The following DPH6 variants were observed in gnomAD, a reference collection of about 807,000 sequenced individuals.
DPH6 encodes diphthamine biosynthesis 6, also known as diphthine--ammonia ligase.
In DPH6, 33 loss-of-function variants were observed where a neutral mutation model predicts 38.2. The observed-to-expected ratio is 0.86, with a 90% confidence interval of 0.65 to 1.15. DPH6 has a LOEUF of 1.15. Among genes scored for constraint, DPH6 ranks in the 50% most tolerant of loss-of-function variants. The pLI is 0.00. For synonymous variants in DPH6, 108 were observed against 103.0 expected (o/e 1.05, Z -0.30); for missense variants, 325 against 320.0 (o/e 1.02, Z -0.12).
intron 3 of DPH6, among the ~76,000 whole-genome samples, chr15:35,250,838 C>T (rs2051669079): frequency 1.3e-5 from 2 of 152,146 alleles, no homozygotes; most frequent in South Asian, 4.1e-4. Flanking sequence ...AGAAAGGAAG[C>T]AAATTTTCAC....
chr15:35,490,038 C>A, intron 3 of DPH6: 3 of 985,324 alleles, frequency 3.0e-6, no homozygotes, highest in Non-Finnish European at 3.6e-6. Context: ...AAAGAAAACA[C>A]CCCAAGGCTA....
At chr15:35,405,580 TATCA>T (rs2053280973) in intron 6 of DPH6, among the ~76,000 whole-genome samples, 1 of 152,130 alleles carries the variant, frequency 6.6e-6, no homozygotes, top group African/African-American at 2.4e-5. Flanking sequence ...TGAACTTGTT[TATCA>T]GTTCTAATAG....
At chr15:35,444,219 A>G (rs1299951831) in intron 5 of DPH6, among the ~76,000 whole-genome samples, 1 of 152,220 alleles carries the variant, frequency 6.6e-6, no homozygotes, top group Non-Finnish European at 1.5e-5. Flanking sequence ...TGGCTTGAGG[A>G]TATAATTATA....
chr15:35,190,385 C>A, the DPH6 span, among the ~76,000 whole-genome samples: 49 of 152,248 alleles, frequency 3.2e-4, no homozygotes, highest in South Asian at 1.0e-2. Context: ...GGGTAGGGGT[C>A]TGAAAGTGGG....
chr15:35,304,170 C>T (rs989606596), intron 3 of DPH6, among the ~76,000 whole-genome samples: 1 of 152,034 alleles, frequency 6.6e-6, no homozygotes, highest in Admixed American at 6.6e-5. Context: ...CTAGCCAAAA[C>T]CTTTCACATC....
chr15:35,230,580 G>A (rs2140392104), intron 3 of DPH6, among the ~76,000 whole-genome samples: 1 of 152,220 alleles, frequency 6.6e-6, no homozygotes, highest in Middle Eastern at 3.4e-3. Context: ...AAGAGAAGAA[G>A]TCTTGCCCTG....
chr15:35,498,838 C>T (rs1404866584), intron 3 of DPH6, among the ~76,000 whole-genome samples: 1 of 150,758 alleles, frequency 6.6e-6, no homozygotes, highest in East Asian at 2.0e-4. Context: ...CCGGGTGCAG[C>T]TGCTCAAGTC....
intron 6 of DPH6, among the ~76,000 whole-genome samples, chr15:35,399,002 G>A (rs1292136456): frequency 1.3e-5 from 2 of 152,052 alleles, no homozygotes; most frequent in East Asian, 3.8e-4. Context: ...AAAACTCAGG[G>A]TCAAAAAGCC....
chr15:35,401,708 C>T, intron 6 of DPH6: 1 of 731,282 alleles, frequency 1.4e-6, no homozygotes, highest in Non-Finnish European at 2.5e-6. Context: ...AACCACGACA[C>T]CAAGGTGGCT....
intron 4 of DPH6, 68 bp from the exon 5 acceptor site, chr15:35,450,871 T>A: frequency 8.1e-7 from 1 of 1,240,578 alleles, no homozygotes; most frequent in Non-Finnish European, 1.1e-6. Flanking sequence ...CCACAGCAAT[T>A]ACTTTGATTT....
chr15:35,196,483 T>C, the DPH6 span, among the ~76,000 whole-genome samples: 2 of 151,918 alleles, frequency 1.3e-5, no homozygotes, highest in African/African-American at 4.9e-5. Context: ...GGAGGCGGGC[T>C]GTGTGGTAAG....
chr15:35,261,780 C>A (rs1191086524), intron 3 of DPH6, among the ~76,000 whole-genome samples: 1 of 151,850 alleles, frequency 6.6e-6, no homozygotes, highest in Non-Finnish European at 1.5e-5. Flanking sequence ...CTTCAGTAAG[C>A]CCTGATCTCA....
At chr15:35,430,898 T>G (rs1595556649) in intron 5 of DPH6, among the ~76,000 whole-genome samples, 1 of 152,112 alleles carries the variant, frequency 6.6e-6, no homozygotes, top group African/African-American at 2.4e-5. Flanking sequence ...AAGTACAGTA[T>G]AGGAAGCCAA....
At chr15:35,406,523 G>A (rs2053296212) in intron 6 of DPH6, among the ~76,000 whole-genome samples, 1 of 152,028 alleles carries the variant, frequency 6.6e-6, no homozygotes, top group South Asian at 2.1e-4. Context: ...TGTGCTAGAT[G>A]ACTGCTGCAA....
chr15:35,317,575 A>T (rs540437821), intron 3 of DPH6, among the ~76,000 whole-genome samples: 1 of 150,784 alleles, frequency 6.6e-6, no homozygotes, highest in African/African-American at 2.4e-5. Context: ...ATATACTAAC[A>T]TGAGTTCTGC....
chr15:35,378,467 C>G (rs934111728), intron 7 of DPH6, among the ~76,000 whole-genome samples: 1 of 152,108 alleles, frequency 6.6e-6, no homozygotes, highest in Admixed American at 6.5e-5. Flanking sequence ...CGCAGCAATC[C>G]CATTACTAAG....
intron 3 of DPH6, among the ~76,000 whole-genome samples, chr15:35,354,562 T>G (rs969262832): frequency 2.6e-5 from 4 of 152,246 alleles, no homozygotes; most frequent in Admixed American, 6.5e-5. Flanking sequence ...TCTTTGGTTC[T>G]GTTTATATGC....
chr15:35,212,947 T>C (rs2051394874), downstream of DPH6, among the ~76,000 whole-genome samples: 1 of 152,248 alleles, frequency 6.6e-6, no homozygotes, highest in Non-Finnish European at 1.5e-5. Context: ...AACAACAAAA[T>C]AATTTATATT....
chr15:35,202,727 C>A, the DPH6 span, among the ~76,000 whole-genome samples: 2 of 151,746 alleles, frequency 1.3e-5, no homozygotes, highest in African/African-American at 4.8e-5. Flanking sequence ...TCAGGTGATA[C>A]CATTCAATCA....
Sources: allele counts gnomAD v4.1 joint callset (sites outside exome capture counted in the v4.1 genomes callset), GRCh38; gene constraint gnomAD v4.1.1; transcripts MANE v1.5; gene names NCBI Gene and HGNC (gene_info 2026-07-23, HGNC 2026-07-21).